Variants in SCAPER observed in about 807,000 individuals in gnomAD.
SCAPER encodes S-phase cyclin A associated protein in the ER, also known as S phase cyclin A-associated protein in the endoplasmic reticulum.
A neutral mutation model predicts 182.2 loss-of-function variants in SCAPER; 98 were observed. The ratio of observed to expected loss-of-function variants is 0.54; its 90% CI spans 0.46 to 0.64. The LOEUF (loss-of-function observed/expected upper bound fraction) is 0.64, where lower values mean the gene tolerates loss of function less well. SCAPER is among the 30% of genes least tolerant of loss of function. The probability of loss-of-function intolerance (pLI) is 0.00; values close to 1 mark genes in which losing one functional copy is unlikely to be tolerated. For missense variants in SCAPER, 1,432 were observed against 1,690.0 expected, an observed-to-expected ratio of 0.85 and a Z score of 2.68; for synonymous variants, 605 against 564.6, an observed-to-expected ratio of 1.07 and a Z score of -1.01.
At position 76,381,509 on chromosome 15, in the gene SCAPER, A is replaced by G. The variant is rs1337875875; in HGVS notation, c.3574T>C (p.Phe1192Leu). The G allele has an allele frequency of 1.9e-6, 3 of 1,613,516 alleles. No homozygotes were observed. The highest frequency in any genetic ancestry group is 2.5e-6 in the Non-Finnish European group (3 of 1,179,746). Residue 1192 changes from phenylalanine to leucine, a missense_variant, in exon 28 of 32, where the codon TTC becomes CTC. Transcript: ENST00000563290. ...CTGGGGTCCAAGATGGTGCCATGGA[A>G]GAGGACACAGTAGAGCATATGAAGA... ...GVLHMLYCVL[F>L]HGTILDPSTA...
intron 8 of SCAPER, among the ~76,000 whole-genome samples, chr15:76,781,608 T>C (rs1474257421): frequency 6.6e-6 from 1 of 151,964 alleles, no homozygotes; most frequent in African/African-American, 2.4e-5. Flanking sequence ...AAGGTTGAAA[T>C]GAAGGAAAAA....
chr15:76,722,772 T>C (rs1391555653), intron 17 of SCAPER, among the ~76,000 whole-genome samples: 4 of 152,320 alleles, frequency 2.6e-5, no homozygotes, highest in South Asian at 2.1e-4. Flanking sequence ...TCGGTGGTGA[T>C]ATCTCCTTTG....
intron 20 of SCAPER, among the ~76,000 whole-genome samples, chr15:76,675,970 G>A (rs1287078880): frequency 3.3e-5 from 5 of 151,868 alleles, no homozygotes; most frequent in African/African-American, 9.7e-5. Context: ...GATTACAGGC[G>A]CCCGCCACCA....
intron 1 of SCAPER, among the ~76,000 whole-genome samples, chr15:76,894,444 A>G (rs2074321344): frequency 6.6e-6 from 1 of 152,160 alleles, no homozygotes; most frequent in African/African-American, 2.4e-5. Flanking sequence ...TATGAAAAGA[A>G]AAAAAGAGAA....
At chr15:76,756,820 A>AT (rs1280646821) in intron 14 of SCAPER, among the ~76,000 whole-genome samples, 1 of 152,190 alleles carries the variant, frequency 6.6e-6, no homozygotes, top group Non-Finnish European at 1.5e-5. Flanking sequence ...TATAATTGTC[A>AT]TTTTTCAGAA....
chr15:76,703,162 T>C (rs1252255736), intron 18 of SCAPER, among the ~76,000 whole-genome samples, 160 bp from the exon 19 acceptor site: 2 of 152,168 alleles, frequency 1.3e-5, no homozygotes, highest in African/African-American at 4.8e-5. Context: ...CCCTTTAATA[T>C]CACCCACATG....
At position 76,667,647 on chromosome 15, in the gene SCAPER, A is replaced by AC. The variant is rs1485657692; in HGVS notation, c.2509-1859_2509-1858insG. On this transcript the variant is annotated intron_variant, in intron 20 of 31. Transcript: ENST00000563290. ...TCTCAAAAAAAAAAAAAAAAAAAAA[A>AC]AAAAAAAAAAAAAAACGCTCCTCAG... is the stretch of plus-strand genomic sequence containing the variant. 1.8e-3 allele frequency among the ~76,000 whole-genome samples: 225 copies of AC among 126,168 alleles called. 6 individuals are homozygous for AC. The highest frequency in any genetic ancestry group is 7.0e-3 in the African/African-American group (215 of 30,508). 82.8% of individuals were successfully genotyped at this position (126,168 alleles called of 152,430 possible).
At chr15:76,530,543 A>C (rs1344423109) in intron 23 of SCAPER, among the ~76,000 whole-genome samples, 1 of 152,212 alleles carries the variant, frequency 6.6e-6, no homozygotes, top group African/African-American at 2.4e-5. Flanking sequence ...TTCCAGAGGC[A>C]CTATGGGAAA....
At chr15:76,372,066 G>A (rs2042224593) in intron 29 of SCAPER, among the ~76,000 whole-genome samples, 1 of 149,818 alleles carries the variant, frequency 6.7e-6, no homozygotes. Context: ...ATAGATTGTT[G>A]CATTTCAGCA....
At chr15:76,781,764 C>T (rs1399803262) in intron 8 of SCAPER, among the ~76,000 whole-genome samples, 2 of 152,076 alleles carry the variant, frequency 1.3e-5, no homozygotes, top group African/African-American at 2.4e-5. Context: ...ATTTTCAACC[C>T]AGAATTTCAT....
At chr15:76,858,512 T>TA (rs1445684539) in intron 3 of SCAPER, among the ~76,000 whole-genome samples, 1 of 152,182 alleles carries the variant, frequency 6.6e-6, no homozygotes, top group African/African-American at 2.4e-5. Flanking sequence ...AGGTTTGCTA[T>TA]ACAGGCAAAT....
intron 7 of SCAPER, among the ~76,000 whole-genome samples, chr15:76,796,468 C>T (rs946482848): frequency 2.6e-5 from 4 of 152,132 alleles, no homozygotes; most frequent in Non-Finnish European, 5.9e-5. Context: ...TTCACATAAG[C>T]CAAGTTTGGT....
intron 5 of SCAPER, among the ~76,000 whole-genome samples, chr15:76,813,241 A>AC (rs1568219376): frequency 6.5e-5 from 6 of 92,394 alleles, no homozygotes; most frequent in East Asian, 2.7e-4. Context: ...AAAAAAAAAA[A>AC]AAAAAAAAAA....
Position 76,840,902 on chromosome 15 carries a change from A to G in SCAPER, c.393+832T>C, listed in dbSNP as rs1568306776. On this transcript the variant is annotated intron_variant, in intron 5 of 31. Coordinates refer to ENST00000563290, the MANE Select transcript of SCAPER (RefSeq NM_020843.4). ...AAATTAGAAAACACACCTTACAATG[A>G]CATCCCAATCCCACCCAGGATTGTT... Among the ~76,000 whole-genome samples, 3 of 152,346 alleles carry G rather than the reference A, an allele frequency of 2.0e-5. No homozygotes were observed. In the South Asian group the frequency reaches 6.2e-4, roughly 32 times the overall value.
intron 17 of SCAPER, among the ~76,000 whole-genome samples, chr15:76,706,997 T>C (rs1284812060): frequency 6.6e-6 from 1 of 152,180 alleles, no homozygotes; most frequent in South Asian, 2.1e-4. Context: ...ATATGTAAGA[T>C]ATGTGAAAAC....
intron 26 of SCAPER, among the ~76,000 whole-genome samples, chr15:76,423,981 G>A (rs1313430857): frequency 1.3e-5 from 2 of 152,206 alleles, no homozygotes; most frequent in African/African-American, 4.8e-5. Flanking sequence ...TGTGGTCTGA[G>A]AGACAGTTTG....
At chr15:76,744,036 G>A (rs1598473648) in intron 15 of SCAPER, among the ~76,000 whole-genome samples, 1 of 152,226 alleles carries the variant, frequency 6.6e-6, no homozygotes, top group East Asian at 1.9e-4. Flanking sequence ...CAAGCAATGG[G>A]AAAAGGACTC....
At chr15:76,702,496 G>A (rs1275882859) in intron 19 of SCAPER, among the ~76,000 whole-genome samples, 1 of 152,044 alleles carries the variant, frequency 6.6e-6, no homozygotes, top group African/African-American at 2.4e-5. Context: ...CACCCAGGAT[G>A]GAGTGCAGTG....
intron 13 of SCAPER, 52 bp from the exon 14 acceptor site, chr15:76,765,124 C>A: frequency 1.5e-6 from 2 of 1,321,616 alleles, no homozygotes; most frequent in Non-Finnish European, 1.0e-6. Context: ...CATGATAAGG[C>A]CAGAAAAAGT....
Sources: gnomAD v4.1 joint callset for allele counts (sites outside exome capture counted in the v4.1 genomes callset) on GRCh38, gnomAD v4.1.1 for gene constraint, MANE v1.5 for transcripts, NCBI Gene and HGNC (gene_info 2026-07-23, HGNC 2026-07-21) for gene names.